The following NINJ2 variants were observed in gnomAD, a reference collection of about 807,000 sequenced individuals.
NINJ2 encodes the protein ninjurin-2.
Under a neutral mutation model 11.7 loss-of-function variants are expected in NINJ2, and 12 were observed. The observed-to-expected ratio is 1.02, with a 90% CI of 0.66 to 1.66. The LOEUF (loss-of-function observed/expected upper bound fraction) is 1.66. Ranked by LOEUF, NINJ2 falls within the 40% of genes most tolerant of loss-of-function variation. The probability of loss-of-function intolerance (pLI) is 0.00; values close to 1 mark genes in which losing one functional copy is unlikely to be tolerated. For synonymous variants in NINJ2, 93 were observed against 76.8 expected (o/e 1.21, Z -1.10); for missense variants, 187 against 181.8 (o/e 1.03, Z -0.16).
chr12:630,523 G>A (rs552934399), intron 1 of NINJ2, among the ~76,000 whole-genome samples: 126 of 152,008 alleles, frequency 8.3e-4, no homozygotes, highest in African/African-American at 2.9e-3. Flanking sequence ...TGCAGGCTCC[G>A]GCCACCACGC....
intron 1 of NINJ2, among the ~76,000 whole-genome samples, chr12:635,340 C>G (rs987456104): frequency 6.6e-6 from 1 of 152,160 alleles, no homozygotes; most frequent in African/African-American, 2.4e-5. Context: ...CATGAGCCAC[C>G]AGGCCTGGCC....
chr12:616,731 C>T (rs574951107), intron 1 of NINJ2, among the ~76,000 whole-genome samples: 1 of 152,352 alleles, frequency 6.6e-6, no homozygotes, highest in Non-Finnish European at 1.5e-5. Context: ...CTAGTGTTCT[C>T]CTCTCTTGTA....
At chr12:638,694 C>T (rs1948384203) in intron 1 of NINJ2, among the ~76,000 whole-genome samples, 2 of 152,208 alleles carry the variant, frequency 1.3e-5, no homozygotes, top group African/African-American at 2.4e-5. Flanking sequence ...GGATTACAGG[C>T]GTGAGCCACC....
At chr12:617,228 CCT>C (rs147270299) in intron 1 of NINJ2, among the ~76,000 whole-genome samples, 8,361 of 152,124 alleles carry the variant, frequency 0.055, 282 homozygotes, top group Non-Finnish European at 0.074. Flanking sequence ...GTGTTCACCC[CCT>C]GTTCTTGCCC....
chr12:601,328 G>C (rs200566696), intron 1 of NINJ2, among the ~76,000 whole-genome samples: 33,243 of 144,560 alleles, frequency 0.23, 4,233 homozygotes, highest in Middle Eastern at 0.39. Flanking sequence ...GGGCGGATCA[G>C]GAAGTCAGGA....
At chr12:643,409 C>T (rs1937624761) in intron 1 of NINJ2, 2 of 984,420 alleles carry the variant, frequency 2.0e-6, no homozygotes, top group African/African-American at 1.7e-5. Context: ...CGCCAGCCCT[C>T]GGGCCTACAT....
At chr12:570,375 C>A (rs1202185074) in intron 1 of NINJ2, among the ~76,000 whole-genome samples, 2 of 152,232 alleles carry the variant, frequency 1.3e-5, no homozygotes, top group African/African-American at 4.8e-5. Context: ...GACCTGAGGG[C>A]CCTCCCTTCT....
At chr12:630,327 T>G (rs1365853141) in intron 1 of NINJ2, among the ~76,000 whole-genome samples, 1 of 152,168 alleles carries the variant, frequency 6.6e-6, no homozygotes, top group Non-Finnish European at 1.5e-5. Context: ...GCAAGAAAGC[T>G]GCTTCTATTT....
intron 1 of NINJ2, among the ~76,000 whole-genome samples, chr12:606,112 T>A (rs534509446): frequency 6.6e-6 from 1 of 152,286 alleles, no homozygotes; most frequent in East Asian, 1.9e-4. Context: ...CCTCAAGCCA[T>A]CTGCCTGCCT....
chr12:565,440 G>C (rs1328577079), intron 2 of NINJ2, 39 bp from the exon 3 acceptor site: 3 of 1,601,778 alleles, frequency 1.9e-6, no homozygotes, highest in Non-Finnish European at 1.7e-6. Context: ...GTCAGAGACG[G>C]GGCCACAGCA....
intron 1 of NINJ2, among the ~76,000 whole-genome samples, chr12:578,133 G>A (rs746598148): frequency 6.6e-6 from 1 of 152,088 alleles, no homozygotes; most frequent in Non-Finnish European, 1.5e-5. Context: ...TCTAATTACC[G>A]GTGCATGCAG....
At position 580,194 on chromosome 12, in the gene NINJ2, G is replaced by C. The variant is rs4980941; in HGVS notation, c.34-14016C>G. Among the ~76,000 whole-genome samples the C allele has an allele frequency of 6.6e-6, 1 of 151,936 alleles. No homozygotes were observed. The highest frequency in any genetic ancestry group is 1.5e-5 in the Non-Finnish European group (1 of 67,966). ...ATAAAGTGTATAAAGGGGGAAGCCAGGAGATAGAGAGCTTATCCATCCCTC... is the reference window on the plus strand; with the variant it reads ...ATAAAGTGTATAAAGGGGGAAGCCACGAGATAGAGAGCTTATCCATCCCTC... On this transcript the variant is annotated intron_variant, in intron 1 of 3. Transcript: ENST00000305108. This position sits in a 1 kb window ranked among gnomAD's most constrained non-coding sequence, Gnocchi z 4.7.
chr12:587,482 T>C (rs534699890), intron 1 of NINJ2, among the ~76,000 whole-genome samples: 1 of 152,356 alleles, frequency 6.6e-6, no homozygotes, highest in South Asian at 2.1e-4. Context: ...TGAGGCTGCA[T>C]TGTAAGGACA....
intron 1 of NINJ2, among the ~76,000 whole-genome samples, chr12:621,315 A>C (rs1214434384): frequency 1.3e-5 from 2 of 152,008 alleles, no homozygotes; most frequent in Non-Finnish European, 2.9e-5. Context: ...TTAGCCAGGC[A>C]TGATGGCACA....
intron 1 of NINJ2, among the ~76,000 whole-genome samples, chr12:609,541 G>C (rs950864134): frequency 6.6e-6 from 1 of 152,036 alleles, no homozygotes; most frequent in South Asian, 2.1e-4. Flanking sequence ...AGGCTGAGGC[G>C]GGTGGATCAC....
intron 1 of NINJ2, among the ~76,000 whole-genome samples, chr12:649,228 G>T (rs1292672997): frequency 6.6e-6 from 1 of 151,840 alleles, no homozygotes; most frequent in Non-Finnish European, 1.5e-5. Flanking sequence ...TGTATTTTTA[G>T]TAGAGACGGG....
rs143333576 is a variant in NINJ2, at chr12:661,478, T to C, written c.33+1850A>G. Among the ~76,000 whole-genome samples, 167 of 152,248 alleles carry C rather than the reference T, an allele frequency of 1.1e-3. 1 individual carries two copies. Among genetic ancestry groups the C allele is most frequent in the African/African-American group, 3.9e-3 (160 of 41,534 alleles). ...AAATAGCATATTAGAAGAGAGTGAA[T>C]GACAAATGAAGAGAAAGGTACACTA... On this transcript the variant is annotated intron_variant, in intron 1 of 3. Transcript: ENST00000305108.
intron 1 of NINJ2, chr12:643,835 C>G (rs1377826099): frequency 4.4e-6 from 1 of 228,378 alleles, no homozygotes; most frequent in African/African-American, 2.3e-5. Context: ...GCTCATCGCT[C>G]AGGTCTTAGA....
intron 1 of NINJ2, among the ~76,000 whole-genome samples, chr12:637,388 T>A (rs1236791054): frequency 6.7e-6 from 1 of 148,420 alleles, no homozygotes; most frequent in East Asian, 2.0e-4. Flanking sequence ...AAGGTTGTAA[T>A]CCCAGCACTT....
Sources: gnomAD v4.1 joint callset for allele counts (sites outside exome capture counted in the v4.1 genomes callset) on GRCh38, gnomAD v4.1.1 for gene constraint, Gnocchi (gnomAD v3.1) non-coding constraint, MANE v1.5 for transcripts, NCBI Gene and HGNC (gene_info 2026-07-23, HGNC 2026-07-21) for gene names.